SAP130: variants seen among roughly 807,000 people sequenced by gnomAD.
The protein encoded by SAP130 is Sin3A associated protein 130, also known as histone deacetylase complex subunit SAP130.
Under a neutral mutation model 103.2 loss-of-function variants are expected in SAP130, and 16 were observed. The ratio of observed to expected loss-of-function variants is 0.16; its 90% CI spans 0.10 to 0.24. SAP130 has a LOEUF of 0.24. Among genes scored for constraint, SAP130 ranks in the 10% least tolerant of loss-of-function variants. SAP130 has a pLI of 1.00. For synonymous variants in SAP130, 477 were observed against 497.0 expected (o/e 0.96, Z 0.53); for missense variants, 990 against 1,359.7 (o/e 0.73, Z 4.28).
intron 9 of SAP130, 27 bp downstream of exon 9, chr2:128,000,029 G>C (rs975820696): frequency 6.2e-7 from 1 of 1,605,442 alleles, no homozygotes. Context: ...TTCCCCAGTA[G>C]AAGGAAGAGG....
chr2:127,997,024 A>G (rs1245448327), intron 10 of SAP130, among the ~76,000 whole-genome samples: 1 of 152,260 alleles, frequency 6.6e-6, no homozygotes, highest in Non-Finnish European at 1.5e-5. Flanking sequence ...GTAGCTAATT[A>G]GCAATGAGAA....
intron 15 of SAP130, among the ~76,000 whole-genome samples, chr2:127,956,303 T>C (rs1487124785): frequency 1.3e-5 from 2 of 152,236 alleles, no homozygotes; most frequent in Non-Finnish European, 2.9e-5. Flanking sequence ...CTGCATCCTC[T>C]GTAATAGCCT....
At chr2:128,023,658 T>C (rs1573865700) in intron 2 of SAP130, among the ~76,000 whole-genome samples, 1 of 151,928 alleles carries the variant, frequency 6.6e-6, no homozygotes, top group Admixed American at 6.6e-5. Flanking sequence ...TGGGCGCCTG[T>C]AGTCCCAGCT....
At chr2:127,990,660 GC>G (rs1682724900) in intron 12 of SAP130, among the ~76,000 whole-genome samples, 1 of 152,124 alleles carries the variant, frequency 6.6e-6, no homozygotes, top group Non-Finnish European at 1.5e-5. Flanking sequence ...AGTAAAAACA[GC>G]CCGGTGTGAT....
intron 14 of SAP130, among the ~76,000 whole-genome samples, chr2:127,978,633 G>A (rs1488814594): frequency 2.6e-5 from 4 of 152,090 alleles, no homozygotes; most frequent in Non-Finnish European, 1.5e-5. Flanking sequence ...TTGACAGAGT[G>A]GTGGGAACAA....
In SAP130 at chr2:127,980,681, C is replaced by T. The variant is rs373458212; in HGVS notation, c.1959-2592G>A. ...AATTACAATCAAGGCCAGGTGCTCACGCATGTAATCCTAGCACTTTGGGAG... is the reference window on the plus strand; with the variant it reads ...AATTACAATCAAGGCCAGGTGCTCATGCATGTAATCCTAGCACTTTGGGAG... On this transcript the variant is annotated intron_variant, in intron 14 of 20. Coordinates refer to ENST00000643581, the MANE Select transcript of SAP130 (RefSeq NM_001330301.2). 3.4e-4 allele frequency among the ~76,000 whole-genome samples: 52 copies of T among 152,226 alleles called. 1 individual carries two copies. In the South Asian group the frequency reaches 6.4e-3, roughly 19 times the overall value.
At chr2:128,006,812 G>C (rs1684011619) in intron 7 of SAP130, among the ~76,000 whole-genome samples, 1 of 152,208 alleles carries the variant, frequency 6.6e-6, no homozygotes, top group Non-Finnish European at 1.5e-5. Flanking sequence ...GCTGGATCTG[G>C]TGCTTTTGTG....
chr2:127,969,938 AATTT>A (rs1160222137), intron 15 of SAP130, among the ~76,000 whole-genome samples: 1 of 152,046 alleles, frequency 6.6e-6, no homozygotes, highest in Non-Finnish European at 1.5e-5. Flanking sequence ...CTACTAAAAA[AATTT>A]ATTTAGGCCA....
chr2:127,948,770 T>C (rs1679299717), intron 18 of SAP130, among the ~76,000 whole-genome samples: 2 of 152,174 alleles, frequency 1.3e-5, no homozygotes, highest in African/African-American at 4.8e-5. Context: ...TATGAATATA[T>C]TGAAACAGAA....
At chr2:127,946,878 C>T (rs1485861432) in intron 18 of SAP130, among the ~76,000 whole-genome samples, 1 of 148,784 alleles carries the variant, frequency 6.7e-6, no homozygotes, top group Non-Finnish European at 1.5e-5. Flanking sequence ...AGCGAGACTC[C>T]GTCACAAGAA....
chr2:127,999,628 A>T, intron 10 of SAP130, 113 bp downstream of exon 10: 1 of 538,188 alleles, frequency 1.9e-6, no homozygotes. Flanking sequence ...AAAAAAAAAA[A>T]AAGAGGAAAT....
In SAP130 at chr2:127,986,918, T is replaced by C. The variant is rs1682443882; in HGVS notation, c.1825A>G (p.Ser609Gly). The C allele has an allele frequency of 1.2e-6, 2 of 1,614,162 alleles. No homozygotes were observed. The highest frequency in any genetic ancestry group is 1.1e-5 in the South Asian group (1 of 91,072). ...DGATIVANPISNPFSAAPAAT... is the reference protein window; with the variant it reads ...DGATIVANPIGNPFSAAPAAT... Reference sequence around the variant, plus strand: ...GCTGGAGCAGCACTGAATGGATTGCTAATAGGGTTGGCCACAATTGTGGCT... The same window carrying C: ...GCTGGAGCAGCACTGAATGGATTGCCAATAGGGTTGGCCACAATTGTGGCT... The change falls in exon 14 of 21, where the codon AGC (serine) becomes GGC (glycine). Residue 609 changes from serine (S) to glycine (G), a missense_variant. Around this residue, in one of 6 missense-constraint regions of SAP130, gnomAD observed 349 missense variants for 384.1 expected, o/e 0.91. Coordinates refer to ENST00000643581, the MANE Select transcript of SAP130 (RefSeq NM_001330301.2). The surrounding 1 kb of genome is among the most constrained non-coding windows in gnomAD (Gnocchi z 4.7).
chr2:128,019,849 A>T (rs1386201416), intron 2 of SAP130, among the ~76,000 whole-genome samples: 1 of 152,074 alleles, frequency 6.6e-6, no homozygotes, highest in Non-Finnish European at 1.5e-5. Context: ...ACTGCACTCC[A>T]GCCTGGGGGA....
chr2:128,016,408 G>A lies in SAP130; in HGVS notation c.488C>T (p.Ala163Val). The change falls in exon 4 of 21, where the codon GCA (alanine) becomes GTA (valine). Residue 163 changes from alanine to valine, a missense_variant. By Grantham distance (64) the Ala-to-Val change is moderately conservative. This residue lies in a region of SAP130 where 336 missense variants were observed against 520.1 expected (regional missense o/e 0.65). Transcript: ENST00000643581. ...SIPQASAIPV[A>V]TISGQQGHPS... ...AAAAACCTGTTGTCCACTGATTGTT[G>A]CCACAGGAATGGCTGAAGCTTGAGG... 1 of 1,612,990 alleles carries A rather than the reference G, an allele frequency of 6.2e-7. No individual in the cohort carries two copies. Among genetic ancestry groups the A allele is most frequent in the Non-Finnish European group, 8.5e-7 (1 of 1,179,574 alleles).
chr2:127,957,624 T>A (rs556589877), intron 15 of SAP130, among the ~76,000 whole-genome samples: 1 of 151,608 alleles, frequency 6.6e-6, no homozygotes, highest in South Asian at 2.1e-4. Flanking sequence ...CGCAATGAGT[T>A]ATGATGGCAC....
intron 15 of SAP130, among the ~76,000 whole-genome samples, chr2:127,973,421 G>A (rs952872511): frequency 6.6e-6 from 1 of 152,224 alleles, no homozygotes; most frequent in African/African-American, 2.4e-5. Context: ...TAGTAGAGAG[G>A]GGGTTTCTCC....
chr2:127,970,170 G>A (rs1680972322), intron 15 of SAP130, among the ~76,000 whole-genome samples: 1 of 149,032 alleles, frequency 6.7e-6, no homozygotes, highest in African/African-American at 2.5e-5. Context: ...AGAGGTTGCA[G>A]TAAGCCGAGA....
At chr2:128,027,081 T>C in intron 1 of SAP130, 1 of 1,441,818 alleles carries the variant, frequency 6.9e-7, no homozygotes, top group East Asian at 2.8e-5. Flanking sequence ...ACGAGCACTG[T>C]GCCTCTTTAC....
chr2:127,963,107 C>T lies in SAP130; in HGVS notation c.2064-7763G>A, dbSNP rs183617084. Reference sequence around the variant, plus strand: ...TTATTTATATACTATGAAGATTAGCCGTTAGACTGTGATATGAGTTGGAAA... The same window carrying T: ...TTATTTATATACTATGAAGATTAGCTGTTAGACTGTGATATGAGTTGGAAA... On this transcript the variant is annotated intron_variant, in intron 15 of 20. Transcript: ENST00000643581. 2.0e-3 allele frequency among the ~76,000 whole-genome samples: 301 copies of T among 152,206 alleles called. 3 individuals carry two copies. The highest frequency in any genetic ancestry group is 6.8e-3 in the African/African-American group (283 of 41,526).
Sources: allele counts gnomAD v4.1 joint callset (sites outside exome capture counted in the v4.1 genomes callset), GRCh38; gene constraint gnomAD v4.1.1; regional missense constraint gnomAD v4.1.1; non-coding constraint Gnocchi (gnomAD v3.1); transcripts MANE v1.5; gene names NCBI Gene and HGNC (gene_info 2026-07-23, HGNC 2026-07-21).